CCSER1: variants seen among roughly 807,000 people sequenced by gnomAD.
CCSER1 encodes coiled-coil serine rich protein 1, also known as serine-rich coiled-coil domain-containing protein 1.
Under a neutral mutation model 82.0 loss-of-function variants are expected in CCSER1, and 41 were observed. The ratio of observed to expected loss-of-function variants is 0.50; its 90% CI spans 0.39 to 0.65. The LOEUF (loss-of-function observed/expected upper bound fraction) is 0.65, where lower values mean the gene tolerates loss of function less well. Among genes scored for constraint, CCSER1 ranks in the 30% least tolerant of loss-of-function variants. The pLI, the probability that CCSER1 is intolerant of heterozygous loss-of-function variation, is 0.00. For missense variants in CCSER1, 1,119 were observed against 1,064.2 expected, an observed-to-expected ratio of 1.05 and a Z score of -0.72; for synonymous variants, 414 against 383.9, an observed-to-expected ratio of 1.08 and a Z score of -0.92.
At chr4:90,706,012 A>G (rs886568278) in intron 6 of CCSER1, among the ~76,000 whole-genome samples, 1 of 152,264 alleles carries the variant, frequency 6.6e-6, no homozygotes, top group African/African-American at 2.4e-5. Flanking sequence ...CCCCAGTGAG[A>G]TGAACCTGGT....
chr4:90,777,310 T>C (rs905090807), intron 7 of CCSER1, among the ~76,000 whole-genome samples: 6 of 131,510 alleles, frequency 4.6e-5, no homozygotes, highest in African/African-American at 9.0e-5. Context: ...TAAGCTGAGG[T>C]AGTGCCATTG....
intron 10 of CCSER1, among the ~76,000 whole-genome samples, chr4:91,559,953 T>A (rs1251448940): frequency 6.6e-6 from 1 of 151,424 alleles, no homozygotes; most frequent in South Asian, 2.1e-4. Context: ...AGGAAAAATA[T>A]AAGAAATCAA....
At chr4:90,960,739 A>G (rs900393542) in intron 9 of CCSER1, among the ~76,000 whole-genome samples, 3 of 151,902 alleles carry the variant, frequency 2.0e-5, no homozygotes, top group African/African-American at 7.3e-5. Context: ...CTGATTCTCG[A>G]CTCCTTGCTG....
chr4:90,970,103 C>T (rs1734953071), intron 9 of CCSER1, among the ~76,000 whole-genome samples: 1 of 151,500 alleles, frequency 6.6e-6, no homozygotes, highest in African/African-American at 2.4e-5. Flanking sequence ...TAGTCATTAC[C>T]TATATAATTA....
intron 10 of CCSER1, among the ~76,000 whole-genome samples, chr4:91,386,327 T>C (rs1251930557): frequency 6.6e-6 from 1 of 151,988 alleles, no homozygotes; most frequent in African/African-American, 2.4e-5. Context: ...CTCCAAATAA[T>C]TAAGGATAGC....
intron 9 of CCSER1, among the ~76,000 whole-genome samples, chr4:90,936,809 T>C (rs902802610): frequency 1.3e-5 from 2 of 152,212 alleles, no homozygotes; most frequent in African/African-American, 4.8e-5. Context: ...AGGCATCTTC[T>C]TAATGTTTAA....
At chr4:90,134,041 TAAC>T (rs58566577) in intron 1 of CCSER1, among the ~76,000 whole-genome samples, 34,874 of 151,954 alleles carry the variant, frequency 0.23, 4,717 homozygotes, top group East Asian at 0.64. Context: ...ATTATTTTAT[TAAC>T]AACAATAGCA....
chr4:91,313,594 C>T (rs1170485468), intron 10 of CCSER1, among the ~76,000 whole-genome samples: 2 of 151,990 alleles, frequency 1.3e-5, no homozygotes, highest in Non-Finnish European at 2.9e-5. Context: ...TTTTGACTTG[C>T]TTAAACCATT....
At chr4:90,581,409 A>C (rs912914235) in intron 5 of CCSER1, among the ~76,000 whole-genome samples, 3 of 152,164 alleles carry the variant, frequency 2.0e-5, no homozygotes, top group Non-Finnish European at 4.4e-5. Flanking sequence ...AGAATGATGA[A>C]ATGATCACTG....
chr4:90,343,951 C>G (rs1741879939), intron 3 of CCSER1, among the ~76,000 whole-genome samples: 1 of 152,116 alleles, frequency 6.6e-6, no homozygotes, highest in Admixed American at 6.5e-5. Context: ...TATAATAACT[C>G]TGTTGCGCTA....
At chr4:90,733,402 G>A (rs1485890465) in intron 7 of CCSER1, among the ~76,000 whole-genome samples, 3 of 152,132 alleles carry the variant, frequency 2.0e-5, no homozygotes, top group Non-Finnish European at 4.4e-5. Context: ...GTCCTATAGA[G>A]TTGTTTGAGC....
chr4:90,238,697 A>G (rs574102397), intron 1 of CCSER1, among the ~76,000 whole-genome samples: 2 of 152,276 alleles, frequency 1.3e-5, no homozygotes, highest in Admixed American at 1.3e-4. Context: ...TGAAAGAATC[A>G]AGATGAACAG....
chr4:91,547,754 A>G (rs995162194), intron 10 of CCSER1, among the ~76,000 whole-genome samples: 21 of 151,862 alleles, frequency 1.4e-4, no homozygotes, highest in African/African-American at 5.1e-4. Context: ...TTTTTTTCCA[A>G]TAATCCACAA....
At chr4:90,718,265 A>G (rs1742010235) in intron 6 of CCSER1, among the ~76,000 whole-genome samples, 1 of 152,144 alleles carries the variant, frequency 6.6e-6, no homozygotes, top group South Asian at 2.1e-4. Context: ...ATGGCTTAAA[A>G]AAGTTAAAAT....
chr4:91,536,260 A>G (rs1761288091), intron 10 of CCSER1, among the ~76,000 whole-genome samples: 1 of 152,130 alleles, frequency 6.6e-6, no homozygotes, highest in African/African-American at 2.4e-5. Flanking sequence ...ACTTTTGAAT[A>G]CAAGAAATAT....
chr4:90,925,160 T>A (rs923827795), intron 9 of CCSER1, among the ~76,000 whole-genome samples: 3 of 152,208 alleles, frequency 2.0e-5, no homozygotes, highest in African/African-American at 7.2e-5. Flanking sequence ...AATAAAATCA[T>A]AATTTTCATT....
chr4:91,164,601 C>G (rs1731826319), intron 10 of CCSER1, among the ~76,000 whole-genome samples: 1 of 152,050 alleles, frequency 6.6e-6, no homozygotes, highest in East Asian at 1.9e-4. Flanking sequence ...TCACATAGTC[C>G]CATATTTCTT....
chr4:91,225,670 GC>G (rs1237830723), intron 10 of CCSER1, among the ~76,000 whole-genome samples: 1 of 151,704 alleles, frequency 6.6e-6, no homozygotes, highest in African/African-American at 2.4e-5. Flanking sequence ...CCATTGACCT[GC>G]TGCATGTTTT....
intron 10 of CCSER1, among the ~76,000 whole-genome samples, chr4:91,428,213 C>T (rs960258585): frequency 2.6e-5 from 4 of 151,964 alleles, no homozygotes; most frequent in African/African-American, 9.7e-5. Flanking sequence ...TTACAATATT[C>T]TATCTTTATG....
Sources: gnomAD v4.1 joint callset for allele counts (sites outside exome capture counted in the v4.1 genomes callset) on GRCh38, gnomAD v4.1.1 for gene constraint, MANE v1.5 for transcripts, NCBI Gene and HGNC (gene_info 2026-07-23, HGNC 2026-07-21) for gene names.